DGKB: variants seen among roughly 807,000 people sequenced by gnomAD.
The protein encoded by DGKB is 90 kDa diacylglycerol kinase.
A neutral mutation model predicts 114.3 loss-of-function variants in DGKB; 67 were observed. The observed-to-expected ratio is 0.59, with a 90% CI of 0.48 to 0.72. DGKB has a LOEUF of 0.72. Ranked by LOEUF, DGKB falls within the 30% of genes least tolerant of loss-of-function variation. The pLI is 0.00. For synonymous variants in DGKB, 398 were observed against 323.1 expected, an observed-to-expected ratio of 1.23 and a Z score of -2.49; for missense variants, 907 against 975.2, an observed-to-expected ratio of 0.93 and a Z score of 0.93.
intron 2 of DGKB, among the ~76,000 whole-genome samples, chr7:14,777,109 C>T (rs568522432): frequency 1.5e-3 from 227 of 152,078 alleles, no homozygotes; most frequent in Non-Finnish European, 1.5e-3. Flanking sequence ...CCCTGTAGCT[C>T]CTTTGTTTTG....
chr7:14,506,955 C>T (rs566016369), intron 20 of DGKB, among the ~76,000 whole-genome samples: 3 of 152,142 alleles, frequency 2.0e-5, no homozygotes, highest in African/African-American at 7.2e-5. Context: ...CTTTTCTATT[C>T]CATGTGCAGG....
intron 4 of DGKB, among the ~76,000 whole-genome samples, chr7:14,753,717 A>G (rs1723227): frequency 0.36 from 54,067 of 151,962 alleles, 13,311 homozygotes; most frequent in African/African-American, 0.69. Flanking sequence ...TTAAGGTACC[A>G]GCTCCTATTA....
At chr7:14,323,102 A>G (rs1808108967) in intron 23 of DGKB, among the ~76,000 whole-genome samples, 1 of 152,192 alleles carries the variant, frequency 6.6e-6, no homozygotes, top group African/African-American at 2.4e-5. Flanking sequence ...TAGAAGTACA[A>G]TTAGTAATAG....
At chr7:14,567,755 T>G (rs1731128738) in intron 20 of DGKB, among the ~76,000 whole-genome samples, 1 of 150,772 alleles carries the variant, frequency 6.6e-6, no homozygotes, top group Non-Finnish European at 1.5e-5. Context: ...TACAGGCATG[T>G]GCCTCCATGC....
intron 13 of DGKB, among the ~76,000 whole-genome samples, chr7:14,630,544 C>T (rs1303452182): frequency 1.3e-5 from 2 of 152,034 alleles, no homozygotes; most frequent in Non-Finnish European, 2.9e-5. Context: ...CTTTGGTCAG[C>T]TTTAGCTCCA....
chr7:14,313,554 C>T (rs552295357), intron 23 of DGKB, among the ~76,000 whole-genome samples: 5 of 152,278 alleles, frequency 3.3e-5, no homozygotes, highest in South Asian at 2.1e-4. Flanking sequence ...CACTCCCACC[C>T]GAATACTGCG....
chr7:14,851,264 G>A (rs928768693), intron 1 of DGKB, among the ~76,000 whole-genome samples: 1 of 152,096 alleles, frequency 6.6e-6, no homozygotes, highest in African/African-American at 2.4e-5. Context: ...GGAAATCTTT[G>A]GTGATGCAAA....
chr7:14,951,339 T>G (rs1425632355), intron 1 of DGKB, among the ~76,000 whole-genome samples: 1 of 151,954 alleles, frequency 6.6e-6, no homozygotes, highest in Non-Finnish European at 1.5e-5. Context: ...GCAATAGGAA[T>G]GGACAAAGCC....
At chr7:14,699,827 T>C (rs1433923660) in intron 7 of DGKB, among the ~76,000 whole-genome samples, 1 of 152,114 alleles carries the variant, frequency 6.6e-6, no homozygotes, top group African/African-American at 2.4e-5. Flanking sequence ...CCCCAACTCA[T>C]TGTTTAATAT....
At chr7:14,908,147 T>C (rs1244415271), upstream of DGKB, among the ~76,000 whole-genome samples, 3 of 152,226 alleles carry the variant, frequency 2.0e-5, no homozygotes, top group East Asian at 5.8e-4. Context: ...CGTTTTATAC[T>C]GCATGACCTC....
At position 14,909,481 on chromosome 7, in the gene DGKB, C is replaced by G. The variant is rs567936972; in HGVS notation, c.-188+65215G>C. On this transcript the variant is annotated intron_variant, in intron 1 of 4. Transcript: ENST00000437998. The stretch of plus-strand genomic sequence containing the variant: ...GTCTATGTAGAGTGTTGTTAAGAAG[C>G]ACTTTAATAATTTGTAGAAATTGAA... Among the ~76,000 whole-genome samples the G allele has an allele frequency of 5.3e-5, 8 of 151,826 alleles. No individual in the cohort carries two copies. The South Asian group carries it at 1.7e-3, about 32-fold the overall frequency.
intron 1 of DGKB, among the ~76,000 whole-genome samples, chr7:14,858,933 A>G (rs928930487): frequency 3.3e-5 from 5 of 152,186 alleles, no homozygotes; most frequent in Admixed American, 6.6e-5. Context: ...TCAGTCTATT[A>G]GGGAAAACAG....
chr7:14,567,425 T>TA (rs372051516), intron 20 of DGKB, among the ~76,000 whole-genome samples: 10 of 52,282 alleles, frequency 1.9e-4, no homozygotes, highest in African/African-American at 7.1e-4. Flanking sequence ...TATTTATATA[T>TA]TATATATATA....
At chr7:14,391,351 C>G (rs1197935594) in intron 21 of DGKB, among the ~76,000 whole-genome samples, 1 of 151,936 alleles carries the variant, frequency 6.6e-6, no homozygotes, top group Non-Finnish European at 1.5e-5. Flanking sequence ...TATTTGATGG[C>G]TGATGTTCTT....
At chr7:14,517,051 A>C (rs548256628) in intron 20 of DGKB, among the ~76,000 whole-genome samples, 13 of 152,272 alleles carry the variant, frequency 8.5e-5, no homozygotes, top group African/African-American at 3.1e-4. Context: ...CCCAACTTTA[A>C]ACTATTCTAC....
rs1786961225 is a variant in DGKB, at chr7:14,963,209, G to C, written c.-188+11487C>G. Among the ~76,000 whole-genome samples the C allele has an allele frequency of 2.0e-5, 3 of 152,104 alleles. No homozygotes were observed. In the South Asian group the frequency reaches 6.2e-4, roughly 31 times the overall value. On this transcript the variant is annotated intron_variant, in intron 1 of 4. Coordinates refer to the DGKB transcript ENST00000437998. ...GGTGGATGCTCTCTTCTGTGGCCAAGAGGGGGGTTACTAAAAGGAGAACCT... is the reference window on the plus strand; with the variant it reads ...GGTGGATGCTCTCTTCTGTGGCCAACAGGGGGGTTACTAAAAGGAGAACCT...
intron 23 of DGKB, among the ~76,000 whole-genome samples, chr7:14,197,688 T>C (rs991770914): frequency 7.2e-5 from 11 of 152,160 alleles, no homozygotes; most frequent in Non-Finnish European, 1.5e-5. Flanking sequence ...ACCATCCTAT[T>C]ATTTTTTCTT....
intron 13 of DGKB, among the ~76,000 whole-genome samples, chr7:14,632,737 A>G (rs938562437): frequency 2.0e-5 from 3 of 151,988 alleles, no homozygotes; most frequent in East Asian, 1.9e-4. Flanking sequence ...CTCATTTAAG[A>G]TGAGTAAATA....
chr7:14,664,080 C>T (rs1283871704), intron 13 of DGKB, among the ~76,000 whole-genome samples: 6 of 151,958 alleles, frequency 3.9e-5, no homozygotes, highest in Admixed American at 3.3e-4. Flanking sequence ...TTTTAAAACT[C>T]TGCAACTATC....
Sources: gnomAD v4.1 joint callset for allele counts (sites outside exome capture counted in the v4.1 genomes callset) on GRCh38, gnomAD v4.1.1 for gene constraint, MANE v1.5 for transcripts, NCBI Gene and HGNC (gene_info 2026-07-23, HGNC 2026-07-21) for gene names.